Variants in DCAF6 observed in about 807,000 individuals in gnomAD.
DCAF6 encodes DDB1- and CUL4-associated factor 6.
DCAF6 carries 54 observed loss-of-function variants against 125.1 expected under a neutral mutation model. The observed-to-expected ratio is 0.43, with a 90% CI of 0.35 to 0.54. The LOEUF is 0.54. DCAF6 is among the 20% of genes least tolerant of loss of function. The probability of loss-of-function intolerance (pLI) is 0.01; values close to 1 mark genes in which losing one functional copy is unlikely to be tolerated. For missense variants in DCAF6, 934 were observed against 1,161.7 expected, an observed-to-expected ratio of 0.80 and a Z score of 2.85; for synonymous variants, 371 against 390.4, an observed-to-expected ratio of 0.95 and a Z score of 0.58.
chr1:168,049,931 C>T (rs1006059351), intron 16 of DCAF6, among the ~76,000 whole-genome samples: 9 of 149,030 alleles, frequency 6.0e-5, no homozygotes, highest in Non-Finnish European at 8.9e-5. Context: ...CTGGGATTAC[C>T]GGCATGAGCC....
chr1:168,063,285 T>A (rs564625447), intron 17 of DCAF6, among the ~76,000 whole-genome samples: 1 of 152,186 alleles, frequency 6.6e-6, no homozygotes, highest in Non-Finnish European at 1.5e-5. Flanking sequence ...TGGATAAAAT[T>A]TGTTATATTT....
the DCAF6 span, among the ~76,000 whole-genome samples, chr1:167,872,049 T>C: frequency 6.6e-6 from 1 of 151,934 alleles, no homozygotes; most frequent in African/African-American, 2.4e-5. Flanking sequence ...TAAAAAATAA[T>C]AAAGTTTCCA....
intron 2 of DCAF6, among the ~76,000 whole-genome samples, chr1:167,955,497 G>T (rs1377383282): frequency 1.3e-5 from 2 of 150,500 alleles, no homozygotes; most frequent in African/African-American, 4.9e-5. Flanking sequence ...TCATGTTGTG[G>T]TTACATTTCC....
At chr1:167,963,301 A>G (rs983406136) in intron 2 of DCAF6, among the ~76,000 whole-genome samples, 1 of 151,912 alleles carries the variant, frequency 6.6e-6, no homozygotes, top group Non-Finnish European at 1.5e-5. Flanking sequence ...AATTTAGACT[A>G]TTGACATTCA....
the DCAF6 span, chr1:167,914,074 C>G: frequency 6.6e-6 from 1 of 152,272 alleles, no homozygotes; most frequent in Non-Finnish European, 1.5e-5. Flanking sequence ...TGACATTATT[C>G]TGAAGACAGC....
chr1:167,982,434 G>C (rs911903081), intron 4 of DCAF6, among the ~76,000 whole-genome samples: 5 of 151,972 alleles, frequency 3.3e-5, no homozygotes, highest in Non-Finnish European at 5.9e-5. Flanking sequence ...GTAGAGATGG[G>C]GTTTCACCGC....
chr1:168,015,951 G>C lies in DCAF6; in HGVS notation c.1549G>C (p.Asp517His). ...CTCTTCACAGGACCCTCATGCTTCA[G>C]GTTATTAATGTCAAGTGTCCTTAAG... Reference protein sequence around the residue: ...EGSSQDPHASDSPSSVVNKQL... With the variant: ...EGSSQDPHASHSPSSVVNKQL... The change falls in exon 11 of 22, where the codon GAT becomes CAT. Residue 517 changes from aspartate to histidine, a missense_variant and splice_region_variant. Around this residue, in one of 5 missense-constraint regions of DCAF6, gnomAD observed 559 missense variants for 635.5 expected, o/e 0.88. Coordinates refer to ENST00000367840, the MANE Select transcript of DCAF6 (RefSeq NM_001198956.2). 2.0e-6 allele frequency: 3 copies of C among 1,480,546 alleles called. No individual in the cohort carries two copies. Among genetic ancestry groups the C allele is most frequent in the Non-Finnish European group, 2.7e-6 (3 of 1,111,408 alleles). 91.7% of individuals were successfully genotyped at this position (1,480,546 alleles called of 1,614,324 possible).
At chr1:168,017,504 A>G (rs935470841) in intron 11 of DCAF6, among the ~76,000 whole-genome samples, 2 of 152,056 alleles carry the variant, frequency 1.3e-5, no homozygotes, top group Non-Finnish European at 1.5e-5. Context: ...AATTGAAGCA[A>G]GCTCTTTTTA....
chr1:167,983,993 A>G lies in DCAF6; in HGVS notation c.439-3502A>G, dbSNP rs548101549. Among the ~76,000 whole-genome samples, 3 of 152,260 alleles carry G rather than the reference A, an allele frequency of 2.0e-5. 1 individual carries two copies. The highest frequency in any genetic ancestry group is 3.9e-4 in the East Asian group (2 of 5,186). On this transcript the variant is annotated intron_variant, in intron 4 of 21. Transcript: ENST00000367840. ...GTTTTGTGACTTACAGTGGCTGCGA[A>G]GTTACTGTTTTTTACAACTACCATA... is the stretch of plus-strand genomic sequence containing the variant.
At chr1:168,038,997 C>T (rs1332500929) in intron 13 of DCAF6, among the ~76,000 whole-genome samples, 1 of 151,926 alleles carries the variant, frequency 6.6e-6, no homozygotes, top group Non-Finnish European at 1.5e-5. Context: ...TATTATTTTA[C>T]TAGCTGTGTA....
Position 168,015,820 on chromosome 1 carries a change from G to A in DCAF6, c.1418G>A (p.Arg473His), listed in dbSNP as rs1021272766. 4.1e-5 allele frequency: 63 copies of A among 1,529,550 alleles called. No individual in the cohort carries two copies. The highest frequency in any genetic ancestry group is 1.7e-4 in the Middle Eastern group (1 of 5,918). The allele number at this position is 1,529,550 out of a possible 1,614,324, so 94.7% of individuals were successfully genotyped here. The change falls in exon 11 of 22, where the codon CGC becomes CAC. Residue 473 changes from arginine (R) to histidine (H), a missense_variant. Physicochemically the swap from Arg to His is conservative, Grantham distance 29. Around this residue, in one of 5 missense-constraint regions of DCAF6, gnomAD observed 559 missense variants for 635.5 expected, o/e 0.88. Transcript: ENST00000367840. ...RGPEIALLRK[R>H]LQQLRLKKAE... ...CCTGAGATAGCTTTGCTTCGTAAGC[G>A]CCTGCAACAACTGAGGCTTAAGAAG...
At chr1:167,973,706 TTC>T (rs1438953193) in intron 3 of DCAF6, among the ~76,000 whole-genome samples, 1 of 152,114 alleles carries the variant, frequency 6.6e-6, no homozygotes, top group Admixed American at 6.6e-5. Flanking sequence ...GTTTTGACAT[TTC>T]TCTTTTTTCT....
chr1:167,967,642 T>C (rs181860845), intron 3 of DCAF6, among the ~76,000 whole-genome samples: 2 of 151,968 alleles, frequency 1.3e-5, no homozygotes, highest in African/African-American at 4.8e-5. Context: ...AATAGGAATA[T>C]GTATATTTCC....
At chr1:168,019,554 A>G (rs1280779111) in intron 11 of DCAF6, 1 of 456,188 alleles carries the variant, frequency 2.2e-6, no homozygotes, top group Non-Finnish European at 4.4e-6. Flanking sequence ...GGTCCCCTGA[A>G]GTCATGGGTT....
At chr1:168,017,900 G>A (rs954704699) in intron 11 of DCAF6, among the ~76,000 whole-genome samples, 1 of 152,084 alleles carries the variant, frequency 6.6e-6, no homozygotes. Flanking sequence ...AGTGGTGATA[G>A]TGCCAGTAAA....
chr1:168,007,041 CT>C (rs1683427008), intron 10 of DCAF6, among the ~76,000 whole-genome samples: 1 of 152,224 alleles, frequency 6.6e-6, no homozygotes, highest in Non-Finnish European at 1.5e-5. Context: ...CTATTTTACA[CT>C]TTCATGTCTC....
At chr1:167,918,933 T>C in the DCAF6 span, among the ~76,000 whole-genome samples, 1 of 152,156 alleles carries the variant, frequency 6.6e-6, no homozygotes, top group Admixed American at 6.6e-5. Flanking sequence ...TATAGTTTCC[T>C]GTGCAAAAGT....
At chr1:167,879,387 A>G in the DCAF6 span, among the ~76,000 whole-genome samples, 1 of 152,192 alleles carries the variant, frequency 6.6e-6, no homozygotes, top group African/African-American at 2.4e-5. Flanking sequence ...GTGTCACTTT[A>G]ACATAAACTT....
intron 12 of DCAF6, among the ~76,000 whole-genome samples, chr1:168,029,687 A>T (rs1186212274): frequency 6.6e-6 from 1 of 152,156 alleles, no homozygotes; most frequent in South Asian, 2.1e-4. Context: ...GGTGGTTAAG[A>T]ATCATGTCTA....
Sources: gnomAD v4.1 joint callset for allele counts (sites outside exome capture counted in the v4.1 genomes callset) on GRCh38, gnomAD v4.1.1 for gene constraint, gnomAD v4.1.1 regional missense constraint, MANE v1.5 for transcripts, NCBI Gene and HGNC (gene_info 2026-07-23, HGNC 2026-07-21) for gene names.